The following NRG3 variants were observed in gnomAD, a reference collection of about 807,000 sequenced individuals.
The protein encoded by NRG3 is pro-neuregulin-3, membrane-bound isoform.
NRG3 carries 31 observed loss-of-function variants against 66.9 expected under a neutral mutation model. The observed-to-expected ratio is 0.46, with a 90% CI of 0.35 to 0.63. NRG3 has a LOEUF of 0.63. NRG3 is among the 20% of genes least tolerant of loss of function. NRG3 has a pLI of 0.00. For synonymous variants in NRG3, 393 were observed against 359.4 expected, an observed-to-expected ratio of 1.09 and a Z score of -1.06; for missense variants, 910 against 878.9, an observed-to-expected ratio of 1.04 and a Z score of -0.45.
At chr10:82,348,289 C>T (rs1036485881) in intron 1 of NRG3, among the ~76,000 whole-genome samples, 1 of 151,534 alleles carries the variant, frequency 6.6e-6, no homozygotes, top group Non-Finnish European at 1.5e-5. Flanking sequence ...TCAGCATTTG[C>T]TTGTCTGTAA....
chr10:82,449,088 C>T (rs2090890966), intron 2 of NRG3, among the ~76,000 whole-genome samples: 1 of 152,152 alleles, frequency 6.6e-6, no homozygotes, highest in Non-Finnish European at 1.5e-5. Context: ...TTATTCTGTT[C>T]CTCAAGCAAA....
chr10:82,929,957 T>C (rs1228070383), intron 4 of NRG3, among the ~76,000 whole-genome samples: 1 of 152,122 alleles, frequency 6.6e-6, no homozygotes, highest in Non-Finnish European at 1.5e-5. Flanking sequence ...GGCTTTTAGT[T>C]CTCGCAGACC....
intron 1 of NRG3, among the ~76,000 whole-genome samples, chr10:82,227,982 T>C (rs2076251792): frequency 6.6e-6 from 1 of 152,134 alleles, no homozygotes; most frequent in Non-Finnish European, 1.5e-5. Context: ...TTTCACTTTT[T>C]AGAGCAGAGA....
intron 2 of NRG3, among the ~76,000 whole-genome samples, chr10:82,491,316 A>ATATATATATATATATATATACAT (rs1389375279): frequency 2.2e-5 from 3 of 136,808 alleles, no homozygotes; most frequent in South Asian, 2.4e-4. Context: ...ATATATATAT[A>ATATATATATATATATATATACAT]AAATAAAGAT....
chr10:82,506,804 C>T (rs1844724734), intron 2 of NRG3, among the ~76,000 whole-genome samples: 1 of 152,182 alleles, frequency 6.6e-6, no homozygotes, highest in African/African-American at 2.4e-5. Flanking sequence ...TAAATTAATT[C>T]TTAGGTAAAG....
chr10:82,278,299 G>T (rs1387876187), intron 1 of NRG3, among the ~76,000 whole-genome samples: 2 of 151,798 alleles, frequency 1.3e-5, no homozygotes, highest in Non-Finnish European at 2.9e-5. Flanking sequence ...GGTGCGTGCA[G>T]ATGTGCTTCT....
At chr10:82,289,748 T>G (rs940873574) in intron 1 of NRG3, among the ~76,000 whole-genome samples, 8 of 152,228 alleles carry the variant, frequency 5.3e-5, no homozygotes, top group Non-Finnish European at 1.5e-5. Flanking sequence ...ATATAACATT[T>G]TTAACAAGAG....
At chr10:82,728,123 C>T (rs2820098) in intron 2 of NRG3, among the ~76,000 whole-genome samples, 105,305 of 151,934 alleles carry the variant, frequency 0.69, 37,073 homozygotes, top group East Asian at 0.84. Context: ...GTACTTGCCT[C>T]GTCTCAGATG....
chr10:82,974,828 T>A (rs905328806), intron 7 of NRG3, among the ~76,000 whole-genome samples: 1 of 152,212 alleles, frequency 6.6e-6, no homozygotes, highest in African/African-American at 2.4e-5. Flanking sequence ...GAAACATACA[T>A]GATAGAAGAA....
At chr10:82,964,004 T>A (rs7098868) in intron 6 of NRG3, among the ~76,000 whole-genome samples, 2 of 152,210 alleles carry the variant, frequency 1.3e-5, no homozygotes, top group Non-Finnish European at 2.9e-5. Flanking sequence ...GTTGTAGCAT[T>A]AATTAAAGTT....
intron 1 of NRG3, among the ~76,000 whole-genome samples, chr10:82,343,776 A>C (rs2082812045): frequency 6.6e-6 from 1 of 151,842 alleles, no homozygotes; most frequent in Non-Finnish European, 1.5e-5. Flanking sequence ...CCCCCCTGAA[A>C]ATTGTCCCCC....
chr10:82,090,339 A>G (rs1057019183), intron 1 of NRG3, among the ~76,000 whole-genome samples: 1 of 152,238 alleles, frequency 6.6e-6, no homozygotes, highest in Non-Finnish European at 1.5e-5. Context: ...TATAGCTATC[A>G]GAAAGTTCTC....
intron 1 of NRG3, among the ~76,000 whole-genome samples, chr10:82,088,829 A>C (rs2065870818): frequency 6.6e-6 from 1 of 152,092 alleles, no homozygotes; most frequent in South Asian, 2.1e-4. Context: ...TTTTAGTCAT[A>C]AACAAAATTT....
At chr10:82,909,503 G>C (rs1309006807) in intron 4 of NRG3, among the ~76,000 whole-genome samples, 1 of 151,622 alleles carries the variant, frequency 6.6e-6, no homozygotes, top group African/African-American at 2.4e-5. Flanking sequence ...TGACCCCAAG[G>C]GGAAAAAAAA....
intron 2 of NRG3, among the ~76,000 whole-genome samples, chr10:82,674,450 T>C (rs909924581): frequency 4.6e-5 from 7 of 152,204 alleles, no homozygotes; most frequent in Admixed American, 4.6e-4. Context: ...TCATTTACTT[T>C]AATCTCTCAT....
intron 3 of NRG3, among the ~76,000 whole-genome samples, chr10:82,744,209 A>G (rs1223358093): frequency 1.3e-5 from 2 of 152,188 alleles, no homozygotes; most frequent in African/African-American, 4.8e-5. Context: ...AACATATACC[A>G]TGCTTTGGAT....
In NRG3 at chr10:81,933,816, G is replaced by A. The variant is rs201515302; in HGVS notation, c.823+57653G>A. 2.0e-5 allele frequency among the ~76,000 whole-genome samples: 3 copies of A among 152,016 alleles called. No individual in the cohort carries two copies. The East Asian group carries it at 5.8e-4, about 29-fold the overall frequency. ...AGCCTGTATTTCTGCTACAAATGATGTTGGCATATATGAATTACACTCATT... is the reference window on the plus strand; with the variant it reads ...AGCCTGTATTTCTGCTACAAATGATATTGGCATATATGAATTACACTCATT... On this transcript the variant is annotated intron_variant, in intron 1 of 8. Transcript: ENST00000372141.
intron 4 of NRG3, among the ~76,000 whole-genome samples, chr10:82,936,710 A>T (rs1474181103): frequency 1.3e-5 from 2 of 152,364 alleles, no homozygotes; most frequent in East Asian, 3.9e-4. Flanking sequence ...CATTGTACAC[A>T]ATAAACACAT....
intron 4 of NRG3, among the ~76,000 whole-genome samples, chr10:82,940,731 G>A (rs1224552634): frequency 1.3e-5 from 2 of 152,058 alleles, no homozygotes; most frequent in Admixed American, 6.5e-5. Context: ...CCCTCACATG[G>A]TAGAAGGGGC....
Sources: allele counts gnomAD v4.1 joint callset (sites outside exome capture counted in the v4.1 genomes callset), GRCh38; gene constraint gnomAD v4.1.1; transcripts MANE v1.5; gene names NCBI Gene and HGNC (gene_info 2026-07-23, HGNC 2026-07-21).